MYBPC2: variants seen among roughly 807,000 people sequenced by gnomAD.
MYBPC2 encodes the protein myosin binding protein C2, also known as myosin-binding protein C, fast-type.
A neutral mutation model predicts 137.0 loss-of-function variants in MYBPC2; 122 were observed. The observed-to-expected ratio is 0.89, with a 90% CI of 0.77 to 1.03. The LOEUF (loss-of-function observed/expected upper bound fraction) is 1.03. MYBPC2 is among the 50% of genes least tolerant of loss of function. The pLI, the probability that MYBPC2 is intolerant of heterozygous loss-of-function variation, is 0.00. For synonymous variants in MYBPC2, 626 were observed against 612.3 expected (o/e 1.02, Z -0.33); for missense variants, 1,500 against 1,534.4 (o/e 0.98, Z 0.37).
In MYBPC2 at chr19:50,466,159, CGGGCCTG is replaced by C. The variant is rs2040014355; in HGVS notation, c.3416-34_3416-28del. 6.2e-7 allele frequency: 1 copy of C among 1,613,182 alleles called. No homozygotes were observed. Reference sequence around the variant, plus strand: ...CTGGGGCTTCAGGAGGAGGCGTGCCCGGGCCTGGCTCACCCGCTTTCTCGTTTTCCTG... The same window carrying C: ...CTGGGGCTTCAGGAGGAGGCGTGCCCGCTCACCCGCTTTCTCGTTTTCCTG... On this transcript the variant is annotated intron_variant, in intron 27 of 27. Transcript: ENST00000357701. This position sits in a 1 kb window ranked among gnomAD's most constrained non-coding sequence, Gnocchi z 4.9.
chr19:50,466,104 C>A lies in MYBPC2; in HGVS notation c.3416-91C>A. On this transcript the variant is annotated intron_variant, in intron 27 of 27. Coordinates refer to ENST00000357701, the MANE Select transcript of MYBPC2 (RefSeq NM_004533.4). This position sits in a 1 kb window ranked among gnomAD's most constrained non-coding sequence, Gnocchi z 4.9. Reference sequence around the variant, plus strand: ...GGATGGTGACCGTCATCCTGTCCCCCTGCTGGTCATGTGGATGCAGCTCCT... The same window carrying A: ...GGATGGTGACCGTCATCCTGTCCCCATGCTGGTCATGTGGATGCAGCTCCT... 1 of 1,565,910 alleles carries A rather than the reference C, an allele frequency of 6.4e-7. No individual in the cohort carries two copies. Among genetic ancestry groups the A allele is most frequent in the Non-Finnish European group, 8.7e-7 (1 of 1,147,338 alleles).
At position 50,455,492 on chromosome 19, in the gene MYBPC2, T is replaced by C. The variant is rs1034178741; in HGVS notation, c.2204-18T>C. On this transcript the variant is annotated intron_variant, in intron 19 of 27. Transcript: ENST00000357701. ...ACCCCTCATTCCCCCCATATCCTCT[T>C]TTTCTGGATGCTTGCAGCACCCACG... 8.7e-6 allele frequency: 14 copies of C among 1,609,194 alleles called. No homozygotes were observed. Among genetic ancestry groups the C allele is most frequent in the Non-Finnish European group, 1.2e-5 (14 of 1,176,408 alleles).
chr19:50,461,985 C>T lies in MYBPC2; in HGVS notation c.3177C>T (p.Val1059=), dbSNP rs372353378. 28 of 1,577,194 alleles carry T rather than the reference C, an allele frequency of 1.8e-5. No individual in the cohort carries two copies. Among genetic ancestry groups the T allele is most frequent in the Non-Finnish European group, 2.3e-5 (27 of 1,161,238 alleles). Residue 1059 remains valine (V), a synonymous_variant, in exon 26 of 28, where the codon GTC becomes GTT. Coordinates refer to ENST00000357701, the MANE Select transcript of MYBPC2 (RefSeq NM_004533.4). The part of the protein sequence containing the change: ...KFLTPLIDRV[V]VAGYSAALNC... ...TGACACCTCTCATAGACCGCGTGGT[C>T]GTGGCTGGGTACTCGGCAGCCCTCA...
intron 9 of MYBPC2, among the ~76,000 whole-genome samples, chr19:50,442,639 C>T (rs1431883661): frequency 2.0e-5 from 3 of 151,640 alleles, no homozygotes; most frequent in East Asian, 2.0e-4. Context: ...GCAGGAGGAT[C>T]GCTTGAACCC....
Position 50,454,161 on chromosome 19 carries a change from A to G in MYBPC2, c.1891A>G (p.Ile631Val). 6.2e-7 allele frequency: 1 copy of G among 1,613,902 alleles called. No homozygotes were observed. Residue 631 changes from isoleucine to valine, a missense_variant, in exon 17 of 28, where the codon ATC (isoleucine) becomes GTC (valine). By Grantham distance (29) the Ile-to-Val change is conservative (BLOSUM62 3). Transcript: ENST00000357701. ...TNPVGEDVAS[I>V]FLQVVDVPDP... is the part of the protein sequence containing the mutation. The stretch of plus-strand genomic sequence containing the variant: ...CCCCGTCGGCGAGGACGTGGCTTCC[A>G]TCTTCCTGCAAGTTGTAGGTGAGCA...
chr19:50,455,556 C>T lies in MYBPC2; in HGVS notation c.2250C>T (p.Asp750=). The change falls in exon 20 of 28, where the codon GAC becomes GAT. Residue 750 remains aspartate (D), a synonymous_variant. Transcript: ENST00000357701. ...ACCTGATAGTGGAGGATGTGACAGA[C>T]ACCACCACCACACTCAAGTGGAGGC... ...PLHLIVEDVT[D]TTTTLKWRPP... The T allele has an allele frequency of 5.6e-6, 9 of 1,613,876 alleles. No individual in the cohort carries two copies. The highest frequency in any genetic ancestry group is 7.6e-6 in the Non-Finnish European group (9 of 1,179,832).
At position 50,443,809 on chromosome 19, in the gene MYBPC2, G is replaced by A. The variant is rs765354092; in HGVS notation, c.1126G>A (p.Val376Met). 3.1e-6 allele frequency: 5 copies of A among 1,613,582 alleles called. No individual in the cohort carries two copies. In the East Asian group the frequency reaches 1.1e-4, roughly 36 times the overall value. ...GGAGGTGTCAGAAGAGGGTGCCCAG[G>A]TGATGTGGTAAGTGACCCTTGATCC... is the stretch of plus-strand genomic sequence containing the variant. The part of the protein sequence containing the change: ...AVEVSEEGAQ[V>M]MWMKDGVELT... Residue 376 changes from valine to methionine, a missense_variant, in exon 11 of 28, where the codon GTG (valine) becomes ATG (methionine). By Grantham distance (21) the Val-to-Met change is conservative. Transcript: ENST00000357701.
intron 18 of MYBPC2, among the ~76,000 whole-genome samples, chr19:50,454,704 G>T (rs1601293334): frequency 6.6e-6 from 1 of 152,028 alleles, no homozygotes; most frequent in Non-Finnish European, 1.5e-5. Context: ...GGGATTACAG[G>T]TGTCAGCCAC....
chr19:50,440,659 T>C (rs2039743978), intron 7 of MYBPC2, among the ~76,000 whole-genome samples: 1 of 103,872 alleles, frequency 9.6e-6, no homozygotes, highest in African/African-American at 3.8e-5. Context: ...TGAGAATCTG[T>C]CTCAAAAAAA....
Position 50,462,065 on chromosome 19 carries a change from G to A in MYBPC2, c.3228+29G>A, listed in dbSNP as rs369384708. The A allele has an allele frequency of 1.9e-5, 30 of 1,559,646 alleles. No homozygotes were observed. The African/African-American group carries it at 3.3e-4, about 17-fold the overall frequency. On this transcript the variant is annotated intron_variant, in intron 26 of 27. Transcript: ENST00000357701. ...CCAGGGCAGGGACCCAGATCTGCGT[G>A]TGTGTTGCCTTGTGGGGAATCTTCC...
chr19:50,448,242 C>T lies in MYBPC2; in HGVS notation c.1324C>T (p.Leu442=). The change falls in exon 13 of 28, where the codon CTG becomes TTG. Residue 442 remains leucine (L), a synonymous_variant. Coordinates refer to ENST00000357701, the MANE Select transcript of MYBPC2 (RefSeq NM_004533.4). ...CTGACCAGAGAAACAGCTGGAGGTC[C>T]TGCAGGACATCGCGGATCTGACGGT... The part of the protein sequence containing the change: ...LIVEEKQLEV[L]QDIADLTVKA... The T allele has an allele frequency of 6.2e-7, 1 of 1,613,618 alleles. No individual in the cohort carries two copies. The highest frequency in any genetic ancestry group is 2.2e-5 in the East Asian group (1 of 44,874).
At chr19:50,433,681 C>A (rs2039677995) in intron 1 of MYBPC2, among the ~76,000 whole-genome samples, 1 of 145,916 alleles carries the variant, frequency 6.9e-6, no homozygotes, top group Non-Finnish European at 1.5e-5. Flanking sequence ...AGGCATGAGC[C>A]GCCGAGCCCG....
rs573334192 is a variant in MYBPC2 at position 50,456,435 on chromosome 19, C to CTTT, written c.2338+804_2338+806dup. Among the ~76,000 whole-genome samples the CTTT allele has an allele frequency of 7.7e-3, 1,015 of 132,362 alleles. 22 individuals are homozygous for CTTT. Among genetic ancestry groups the CTTT allele is most frequent in the African/African-American group, 8.9e-3 (316 of 35,332 alleles). The allele number at this position is 132,362 out of a possible 152,430, so 86.8% of individuals were successfully genotyped here. A position where few individuals can be genotyped will look rare whatever the true frequency, so the allele number is the denominator to read the frequency against. On this transcript the variant is annotated intron_variant, in intron 20 of 27. Coordinates refer to ENST00000357701, the MANE Select transcript of MYBPC2 (RefSeq NM_004533.4). ...ATATTTCCTTCGTTTCTCTCTCTCT[C>CTTT]TTTTTTTTTTTTTTTGAGACAGAGT...
Position 50,435,640 on chromosome 19 carries a change from G to T in MYBPC2, c.110-136G>T. The T allele has an allele frequency of 1.3e-6, 1 of 759,266 alleles. No homozygotes were observed. Among genetic ancestry groups the T allele is most frequent in the Non-Finnish European group, 2.1e-6 (1 of 475,144 alleles). The allele number at this position is 759,266 out of a possible 1,614,324, so 47.0% of individuals were successfully genotyped here. Reference sequence around the variant, plus strand: ...GGTGGCCTTTCCCAGGTCAGGAAAAGCCATTTAACCCCCATGATGTTTGGT... The same window carrying T: ...GGTGGCCTTTCCCAGGTCAGGAAAATCCATTTAACCCCCATGATGTTTGGT... On this transcript the variant is annotated intron_variant, in intron 2 of 27. Coordinates refer to ENST00000357701, the MANE Select transcript of MYBPC2 (RefSeq NM_004533.4). The surrounding 1 kb of genome is among the most constrained non-coding windows in gnomAD (Gnocchi z 4.8).
chr19:50,451,817 C>T (rs1431482498), intron 15 of MYBPC2, 47 bp from the exon 16 acceptor site: 1 of 1,564,858 alleles, frequency 6.4e-7, no homozygotes, highest in African/African-American at 1.4e-5. Flanking sequence ...ACTGGGAAGG[C>T]CCAGCCTCCC....
chr19:50,439,790 A>T (rs1601282534), intron 7 of MYBPC2, among the ~76,000 whole-genome samples: 1 of 152,306 alleles, frequency 6.6e-6, no homozygotes, highest in East Asian at 1.9e-4. Context: ...ACAGACTGAG[A>T]CTATTTGGTG....
intron 24 of MYBPC2, 34 bp from the exon 25 acceptor site, chr19:50,461,508 C>T (rs1206605975): frequency 3.1e-6 from 5 of 1,603,930 alleles, no homozygotes; most frequent in African/African-American, 1.3e-5. Flanking sequence ...CCTGTGGCCC[C>T]GACCCGCCTG....
chr19:50,446,186 A>AGATCTCCCTGGT, intron 12 of MYBPC2, 134 bp downstream of exon 12: 1 of 1,114,602 alleles, frequency 9.0e-7, no homozygotes. Context: ...TCAGCCCACC[A>AGATCTCCCTGGT]GGGAGATCTG....
At position 50,437,510 on chromosome 19, in the gene MYBPC2, C is replaced by A; in HGVS notation, c.501C>A (p.Ser167Arg). ...RQDASGQSLE[S>R]FKRTSEKKSD... ...ATGCCTCTGGGCAGAGTCTAGAAAG[C>A]TTCAAGCGTACGTAAGTGACCCCAG... Residue 167 changes from serine to arginine, a missense_variant, in exon 6 of 28, where the codon AGC (serine) becomes AGA (arginine). By Grantham distance (110) the Ser-to-Arg change is moderately radical. Transcript: ENST00000357701. 6.2e-7 allele frequency: 1 copy of A among 1,610,844 alleles called. No individual in the cohort carries two copies. Among genetic ancestry groups the A allele is most frequent in the South Asian group, 1.1e-5 (1 of 90,246 alleles).
Sources: gnomAD v4.1 joint callset for allele counts (sites outside exome capture counted in the v4.1 genomes callset) on GRCh38, gnomAD v4.1.1 for gene constraint, Gnocchi (gnomAD v3.1) non-coding constraint, MANE v1.5 for transcripts, NCBI Gene and HGNC (gene_info 2026-07-23, HGNC 2026-07-21) for gene names.